The following VWC2 variants were observed in gnomAD, a reference collection of about 807,000 sequenced individuals.
VWC2 encodes von Willebrand factor C domain containing 2.
A neutral mutation model predicts 29.8 loss-of-function variants in VWC2; 14 were observed. The observed-to-expected ratio is 0.47, with a 90% confidence interval of 0.31 to 0.74. The LOEUF is 0.74. VWC2 is among the 30% of genes least tolerant of loss of function. The probability of loss-of-function intolerance (pLI) is 0.05; values close to 1 mark genes in which losing one functional copy is unlikely to be tolerated. For synonymous variants in VWC2, 213 were observed against 199.0 expected, an observed-to-expected ratio of 1.07 and a Z score of -0.59; for missense variants, 457 against 459.8, an observed-to-expected ratio of 0.99 and a Z score of 0.05.
At chr7:49,796,649 T>C (rs758532235) in intron 2 of VWC2, among the ~76,000 whole-genome samples, 1 of 152,182 alleles carries the variant, frequency 6.6e-6, no homozygotes, top group African/African-American at 2.4e-5. Flanking sequence ...ACTTCCTACC[T>C]TCTATAGTGG....
chr7:49,808,292 G>A (rs1788922429), intron 3 of VWC2, among the ~76,000 whole-genome samples: 3 of 151,980 alleles, frequency 2.0e-5, no homozygotes, highest in Admixed American at 1.3e-4. Flanking sequence ...AGTCAAGGAG[G>A]AACAGAGGAA....
intron 3 of VWC2, among the ~76,000 whole-genome samples, chr7:49,836,624 G>A (rs1789666625): frequency 6.7e-6 from 1 of 150,246 alleles, no homozygotes; most frequent in African/African-American, 2.5e-5. Context: ...GGGCAACAGA[G>A]CAAGACTCCA....
chr7:49,901,139 C>A (rs1208024363), intron 3 of VWC2: 2 of 151,876 alleles, frequency 1.3e-5, no homozygotes, highest in Admixed American at 6.6e-5. Context: ...TTGAAGCTTT[C>A]CCACCAGGAT....
In VWC2 at chr7:49,776,076, G is replaced by A; in HGVS notation, c.641G>A (p.Arg214Lys). The change falls in exon 2 of 4, where the codon AGG becomes AAG. Residue 214 changes from arginine to lysine, a missense_variant. Arg to Lys is a conservative substitution (Grantham distance 26). Transcript: ENST00000340652. The stretch of plus-strand genomic sequence containing the variant: ...CAGTGCTGCCCGCAGTGCAAGGAGA[G>A]GAAGAACTACTGCGAGTTCCGGGGC... ...TSQCCPQCKE[R>K]KNYCEFRGKT... The A allele has an allele frequency of 1.3e-6, 2 of 1,555,228 alleles. No individual in the cohort carries two copies. The highest frequency in any genetic ancestry group is 1.7e-6 in the Non-Finnish European group (2 of 1,156,386).
At chr7:49,872,556 A>C (rs1490138824) in intron 3 of VWC2, among the ~76,000 whole-genome samples, 1 of 152,046 alleles carries the variant, frequency 6.6e-6, no homozygotes, top group African/African-American at 2.4e-5. Context: ...AAAAAATACA[A>C]AACAGGAAAA....
intron 3 of VWC2, among the ~76,000 whole-genome samples, chr7:49,884,868 T>A (rs1474505533): frequency 6.6e-6 from 1 of 151,924 alleles, no homozygotes; most frequent in African/African-American, 2.4e-5. Context: ...AGAAAAATAA[T>A]ACATGAGAAA....
At chr7:49,871,290 G>A (rs1171191200) in intron 3 of VWC2, among the ~76,000 whole-genome samples, 1 of 152,114 alleles carries the variant, frequency 6.6e-6, no homozygotes, top group Admixed American at 6.5e-5. Flanking sequence ...TGGACCTTTT[G>A]ATCCAAGTCG....
At chr7:49,776,373 T>C (rs534579897) in intron 2 of VWC2, among the ~76,000 whole-genome samples, 1 of 152,334 alleles carries the variant, frequency 6.6e-6, no homozygotes, top group Admixed American at 6.5e-5. Context: ...TTCATGAGGA[T>C]GAAGCCTATG....
At chr7:49,885,685 T>C (rs1377128725) in intron 3 of VWC2, among the ~76,000 whole-genome samples, 5 of 152,336 alleles carry the variant, frequency 3.3e-5, no homozygotes, top group South Asian at 2.1e-4. Context: ...GGTGTTAACA[T>C]AGTGATCAGG....
intron 2 of VWC2, among the ~76,000 whole-genome samples, chr7:49,779,040 A>AGG (rs1212583223): frequency 7.7e-6 from 1 of 130,200 alleles, no homozygotes; most frequent in African/African-American, 3.2e-5. Context: ...CCAGAGAGGG[A>AGG]GAGAGAGAGA....
chr7:49,850,487 G>A (rs923597654), intron 3 of VWC2: 5 of 152,198 alleles, frequency 3.3e-5, no homozygotes, highest in Non-Finnish European at 5.9e-5. Flanking sequence ...TAGGCACAAG[G>A]AGATGGACAG....
chr7:49,779,063 G>C (rs1788119217), intron 2 of VWC2, among the ~76,000 whole-genome samples: 1 of 150,604 alleles, frequency 6.6e-6, no homozygotes, highest in South Asian at 2.1e-4. Flanking sequence ...GAGAGAGACA[G>C]AGACAGAGAG....
intron 2 of VWC2, among the ~76,000 whole-genome samples, chr7:49,778,978 G>C (rs1293102544): frequency 6.6e-6 from 1 of 152,072 alleles, no homozygotes; most frequent in Admixed American, 6.5e-5. Context: ...AGATTATTTG[G>C]GCCTCAGTCC....
chr7:49,830,212 T>C (rs1789493509), intron 3 of VWC2, among the ~76,000 whole-genome samples: 1 of 152,158 alleles, frequency 6.6e-6, no homozygotes, highest in Non-Finnish European at 1.5e-5. Flanking sequence ...TTATCCTTTT[T>C]GTCCTTGGCA....
chr7:49,885,286 G>A (rs1791849256), intron 3 of VWC2, among the ~76,000 whole-genome samples: 2 of 152,036 alleles, frequency 1.3e-5, no homozygotes, highest in Admixed American at 1.3e-4. Context: ...CATAAAATGA[G>A]AGGTAATTTC....
At chr7:49,889,932 C>A (rs1452253768) in intron 3 of VWC2, among the ~76,000 whole-genome samples, 1 of 152,098 alleles carries the variant, frequency 6.6e-6, no homozygotes, top group East Asian at 1.9e-4. Flanking sequence ...ATATGTTTTG[C>A]AAAAGAGTCA....
At chr7:49,840,765 A>T (rs2128713446) in intron 3 of VWC2, among the ~76,000 whole-genome samples, 1 of 151,714 alleles carries the variant, frequency 6.6e-6, no homozygotes, top group African/African-American at 2.4e-5. Context: ...ATTCAAGAAA[A>T]CTCTCCAAAA....
chr7:49,912,252 C>T lies in VWC2; in HGVS notation c.*67C>T. On this transcript the variant is annotated 3_prime_UTR_variant, in exon 4 of 4. Transcript: ENST00000340652. ...TTACTGATGTGAACATTCTAGATGA[C>T]TCTGGGAACTATCAGTCAAAGAAGA... 3 of 1,492,332 alleles carry T rather than the reference C, an allele frequency of 2.0e-6. No homozygotes were observed. Among genetic ancestry groups the T allele is most frequent in the Non-Finnish European group, 2.7e-6 (3 of 1,103,084 alleles). The allele number at this position is 1,492,332 out of a possible 1,614,324, so 92.4% of individuals were successfully genotyped here.
At position 49,807,201 on chromosome 7, in the gene VWC2, C is replaced by T. The variant is rs1179577923; in HGVS notation, c.826+4361C>T. ...TTCATGATTGAAAGACTCAATAACA[C>T]AAAGATGTGAGTCTGCTTCAAAGTA... On this transcript the variant is annotated intron_variant, in intron 3 of 3. Coordinates refer to ENST00000340652, the MANE Select transcript of VWC2 (RefSeq NM_198570.5). Among the ~76,000 whole-genome samples the T allele has an allele frequency of 5.3e-5, 8 of 152,214 alleles. No homozygotes were observed. The South Asian group carries it at 1.7e-3, about 32-fold the overall frequency.
Sources: allele counts gnomAD v4.1 joint callset (sites outside exome capture counted in the v4.1 genomes callset), GRCh38; gene constraint gnomAD v4.1.1; transcripts MANE v1.5; gene names NCBI Gene and HGNC (gene_info 2026-07-23, HGNC 2026-07-21).